Variants in TAFA4 observed in about 807,000 individuals in gnomAD.
The protein encoded by TAFA4 is chemokine-like protein TAFA-4.
In TAFA4, 20 loss-of-function variants were observed where a neutral mutation model predicts 21.1. The ratio of observed to expected loss-of-function variants is 0.95; its 90% confidence interval spans 0.67 to 1.38. The LOEUF is 1.38. Ranked by LOEUF, TAFA4 falls within the 40% of genes most tolerant of loss-of-function variation. TAFA4 has a pLI of 0.00. For synonymous variants in TAFA4, 71 were observed against 67.4 expected, an observed-to-expected ratio of 1.05 and a Z score of -0.26; for missense variants, 211 against 180.9, an observed-to-expected ratio of 1.17 and a Z score of -0.95.
chr3:68,867,357 G>A (rs564833025), intron 3 of TAFA4, among the ~76,000 whole-genome samples: 83 of 152,214 alleles, frequency 5.5e-4, no homozygotes, highest in African/African-American at 1.8e-3. Context: ...ATGAAGGACA[G>A]ATGAAGTCTT....
chr3:68,809,129 T>C (rs4855516), intron 3 of TAFA4, among the ~76,000 whole-genome samples: 99,571 of 152,026 alleles, frequency 0.65, 33,106 homozygotes, highest in East Asian at 0.98. Flanking sequence ...TAGTTAACAA[T>C]TGCTTTCAAG....
At chr3:68,794,041 A>C (rs1487544303) in intron 3 of TAFA4, among the ~76,000 whole-genome samples, 1 of 152,194 alleles carries the variant, frequency 6.6e-6, no homozygotes, top group Non-Finnish European at 1.5e-5. Context: ...GAGGATCCTG[A>C]CCTGTATAAA....
At position 68,852,883 on chromosome 3, in the gene TAFA4, G is replaced by A. The variant is rs568265655; in HGVS notation, c.130+27847C>T. On this transcript the variant is annotated intron_variant, in intron 3 of 5. Transcript: ENST00000295569. ...AGCACTGGAAAAAGAAAAAAGAAAA[G>A]AAAAAGAAAATCTACCTCATCTACC... Among the ~76,000 whole-genome samples, 23 of 152,202 alleles carry A rather than the reference G, an allele frequency of 1.5e-4. 1 individual carries two copies. The East Asian group carries it at 2.1e-3, about 14-fold the overall frequency.
At chr3:68,906,125 T>A (rs770051348) in intron 1 of TAFA4, among the ~76,000 whole-genome samples, 3 of 152,116 alleles carry the variant, frequency 2.0e-5, no homozygotes, top group African/African-American at 7.2e-5. Context: ...ACACAGCAGG[T>A]CAGATGTGGA....
intron 3 of TAFA4, among the ~76,000 whole-genome samples, chr3:68,769,180 A>T (rs1273301840): frequency 6.6e-6 from 1 of 152,134 alleles, no homozygotes; most frequent in African/African-American, 2.4e-5. Context: ...TGCCTCCTGT[A>T]AACTGCACAT....
chr3:68,828,356 A>G (rs1305338721), intron 3 of TAFA4, among the ~76,000 whole-genome samples: 2 of 152,146 alleles, frequency 1.3e-5, no homozygotes, highest in Admixed American at 6.6e-5. Context: ...TCTTGCCTAT[A>G]CAGGGTCTTT....
At chr3:68,837,189 T>C (rs534039743) in intron 3 of TAFA4, among the ~76,000 whole-genome samples, 2 of 152,352 alleles carry the variant, frequency 1.3e-5, no homozygotes, top group East Asian at 3.9e-4. Context: ...AAATAAAATT[T>C]ACCAACTCTG....
chr3:68,880,851 G>A lies in TAFA4; in HGVS notation c.15-6C>T. ...ACTTAGCACAGACTCTCATCCTGGAGGAAAAGCAGGGCTGGAGTCAGTGAG... is the reference window on the plus strand; with the variant it reads ...ACTTAGCACAGACTCTCATCCTGGAAGAAAAGCAGGGCTGGAGTCAGTGAG... On this transcript the variant is annotated splice_polypyrimidine_tract_variant and splice_region_variant and intron_variant, in intron 2 of 5. Transcript: ENST00000295569. 6.2e-7 allele frequency: 1 copy of A among 1,611,696 alleles called. No homozygotes were observed. The highest frequency in any genetic ancestry group is 8.5e-7 in the Non-Finnish European group (1 of 1,178,776).
At chr3:68,772,106 G>C (rs576488489) in intron 3 of TAFA4, among the ~76,000 whole-genome samples, 1 of 152,064 alleles carries the variant, frequency 6.6e-6, no homozygotes, top group Non-Finnish European at 1.5e-5. Flanking sequence ...GAAATTCAGG[G>C]ATGACATAAA....
At chr3:68,877,813 C>A (rs1001644296) in intron 3 of TAFA4, among the ~76,000 whole-genome samples, 1 of 152,146 alleles carries the variant, frequency 6.6e-6, no homozygotes, top group Non-Finnish European at 1.5e-5. Context: ...TCCTGGAATG[C>A]GAACCTTTCC....
intron 1 of TAFA4, among the ~76,000 whole-genome samples, chr3:68,925,795 C>A (rs892521108): frequency 6.6e-6 from 1 of 152,138 alleles, no homozygotes; most frequent in African/African-American, 2.4e-5. Context: ...AAAATGATCA[C>A]CACAACGTAG....
intron 1 of TAFA4, among the ~76,000 whole-genome samples, chr3:68,928,837 A>G (rs1157123759): frequency 6.6e-6 from 1 of 152,120 alleles, no homozygotes; most frequent in East Asian, 1.9e-4. Context: ...CCGGGATTCT[A>G]ATCCCAGGTT....
At position 68,821,503 on chromosome 3, in the gene TAFA4, T is replaced by G. The variant is rs992315110; in HGVS notation, c.130+59227A>C. 2.9e-4 allele frequency among the ~76,000 whole-genome samples: 20 copies of G among 67,900 alleles called. 8 individuals are homozygous for G. The highest frequency in any genetic ancestry group is 4.7e-4 in the Non-Finnish European group (17 of 36,068). 44.5% of individuals were successfully genotyped at this position (67,900 alleles called of 152,430 possible). On this transcript the variant is annotated intron_variant, in intron 3 of 5. Coordinates refer to ENST00000295569, the MANE Select transcript of TAFA4 (RefSeq NM_182522.5). Reference sequence around the variant, plus strand: ...GCTGGGACTACAGGCGCCCGCCACCTCGCCCGGCTAATTTTTTGTATTTTT... The same window carrying G: ...GCTGGGACTACAGGCGCCCGCCACCGCGCCCGGCTAATTTTTTGTATTTTT...
chr3:68,735,196 C>G (rs1394258), intron 5 of TAFA4, among the ~76,000 whole-genome samples: 99,982 of 151,590 alleles, frequency 0.66, 33,523 homozygotes, highest in East Asian at 0.98. Flanking sequence ...TTTAGAAGGG[C>G]AAGTGGAAAA....
chr3:68,843,502 C>T (rs1454963588), intron 3 of TAFA4, among the ~76,000 whole-genome samples: 2 of 152,084 alleles, frequency 1.3e-5, no homozygotes, highest in Non-Finnish European at 2.9e-5. Context: ...ATTTGAATAC[C>T]CTTTATTTCT....
intron 1 of TAFA4, among the ~76,000 whole-genome samples, chr3:68,904,083 A>C (rs1223702053): frequency 6.7e-6 from 1 of 148,740 alleles, no homozygotes; most frequent in Non-Finnish European, 1.5e-5. Context: ...AAAAAAAAAC[A>C]ATTTGCCATG....
chr3:68,815,174 T>G (rs1405335566), intron 3 of TAFA4, among the ~76,000 whole-genome samples: 1 of 152,172 alleles, frequency 6.6e-6, no homozygotes, highest in Non-Finnish European at 1.5e-5. Context: ...CAGGATGGAT[T>G]AAAGACTTAA....
intron 3 of TAFA4, among the ~76,000 whole-genome samples, chr3:68,788,330 A>G (rs1703299846): frequency 6.6e-6 from 1 of 152,154 alleles, no homozygotes; most frequent in Non-Finnish European, 1.5e-5. Context: ...CTCACTTGGA[A>G]CATTCTTACC....
At chr3:68,765,806 C>A (rs1559513818) in intron 3 of TAFA4, among the ~76,000 whole-genome samples, 2 of 152,084 alleles carry the variant, frequency 1.3e-5, no homozygotes, top group African/African-American at 2.4e-5. Context: ...TTAGGAGTGA[C>A]TGACTGAGAC....
Sources: allele counts gnomAD v4.1 joint callset (sites outside exome capture counted in the v4.1 genomes callset), GRCh38; gene constraint gnomAD v4.1.1; transcripts MANE v1.5; gene names NCBI Gene and HGNC (gene_info 2026-07-23, HGNC 2026-07-21).